REDIC1: variants seen among roughly 807,000 people sequenced by gnomAD.
REDIC1 encodes the protein regulator of DNA class I crossover intermediates 1.
At chr12:39,659,494 ATG>A in the REDIC1 span, among the ~76,000 whole-genome samples, 2 of 151,790 alleles carry the variant, frequency 1.3e-5, no homozygotes, top group African/African-American at 4.8e-5. Flanking sequence ...GTTTTATTTT[ATG>A]TAGATTATAT....
chr12:39,843,769 G>A, the REDIC1 span, among the ~76,000 whole-genome samples: 1 of 152,026 alleles, frequency 6.6e-6, no homozygotes, highest in Non-Finnish European at 1.5e-5. Context: ...TATAAGCAGA[G>A]TTGTTTGTTG....
the REDIC1 span, chr12:39,864,845 A>G: frequency 1.2e-6 from 2 of 1,614,086 alleles, no homozygotes; most frequent in African/African-American, 2.7e-5. Flanking sequence ...CTGATAGCAC[A>G]AATCCCAAGG....
the REDIC1 span, among the ~76,000 whole-genome samples, chr12:39,668,456 C>T: frequency 6.6e-6 from 1 of 152,194 alleles, no homozygotes; most frequent in Admixed American, 6.5e-5. Context: ...TGATGGGCTT[C>T]CCGTTGTGGG....
chr12:39,712,555 A>G, the REDIC1 span, among the ~76,000 whole-genome samples: 3 of 141,346 alleles, frequency 2.1e-5, no homozygotes, highest in Non-Finnish European at 4.6e-5. Flanking sequence ...TACACGACAT[A>G]TGTGTATATA....
the REDIC1 span, among the ~76,000 whole-genome samples, chr12:39,823,677 G>C: frequency 1.3e-5 from 2 of 152,010 alleles, no homozygotes; most frequent in African/African-American, 4.8e-5. Context: ...TTAAACTCCT[G>C]GGCTCAAGTG....
the REDIC1 span, among the ~76,000 whole-genome samples, chr12:39,881,345 G>T: frequency 6.6e-6 from 1 of 151,858 alleles, no homozygotes; most frequent in African/African-American, 2.4e-5. Context: ...AAAACAATCT[G>T]GAAACTCAAA....
chr12:39,883,810 C>T, the REDIC1 span, among the ~76,000 whole-genome samples: 8 of 152,208 alleles, frequency 5.3e-5, no homozygotes, highest in South Asian at 2.1e-4. Context: ...TGAATCTCTA[C>T]GGAATCACAA....
chr12:39,712,497 G>T, the REDIC1 span, among the ~76,000 whole-genome samples: 4 of 138,570 alleles, frequency 2.9e-5, no homozygotes, highest in East Asian at 6.5e-4. Context: ...TATATACGAC[G>T]TATATACGTA....
the REDIC1 span, among the ~76,000 whole-genome samples, chr12:39,891,467 G>A: frequency 3.3e-5 from 5 of 152,008 alleles, no homozygotes; most frequent in Middle Eastern, 3.2e-3. Flanking sequence ...GGAGGCTTGT[G>A]ATTTATCTTA....
At chr12:39,829,579 A>T in the REDIC1 span, 6 of 159,154 alleles carry the variant, frequency 3.8e-5, no homozygotes, top group African/African-American at 1.5e-4. Flanking sequence ...ACTCTCAGCT[A>T]ATTTTTGTAT....
At chr12:39,808,330 T>G in the REDIC1 span, among the ~76,000 whole-genome samples, 2 of 152,198 alleles carry the variant, frequency 1.3e-5, no homozygotes, top group Non-Finnish European at 2.9e-5. Flanking sequence ...TGTATCATAA[T>G]TTGTTTATCC....
At chr12:39,694,567 G>A in the REDIC1 span, among the ~76,000 whole-genome samples, 120,585 of 152,116 alleles carry the variant, frequency 0.79, 48,524 homozygotes, top group Non-Finnish European at 0.87. Context: ...CTAACCAGAG[G>A]GGAATTGCTG....
At chr12:39,859,336 A>G in the REDIC1 span, among the ~76,000 whole-genome samples, 1 of 25,102 alleles carries the variant, frequency 4.0e-5, no homozygotes, top group Non-Finnish European at 8.6e-5. Context: ...TTTTTCTGAA[A>G]AAAAAAAAAA....
At chr12:39,900,422 C>A in the REDIC1 span, among the ~76,000 whole-genome samples, 5 of 151,752 alleles carry the variant, frequency 3.3e-5, no homozygotes, top group East Asian at 9.7e-4. Flanking sequence ...ATGACATGAT[C>A]GTATATCTAG....
the REDIC1 span, among the ~76,000 whole-genome samples, chr12:39,867,996 C>G: frequency 6.6e-6 from 1 of 152,206 alleles, no homozygotes; most frequent in Admixed American, 6.5e-5. Flanking sequence ...GTCCTATCAT[C>G]TACTCATATA....
the REDIC1 span, among the ~76,000 whole-genome samples, chr12:39,797,740 A>ACATACG: frequency 0.59 from 76,815 of 131,212 alleles, 20,177 homozygotes; most frequent in East Asian, 0.71. Context: ...ACACACACAC[A>ACATACG]CACACACACA....
chr12:39,712,703 ATATGTATATAGACGTATACGTGTAT>A, the REDIC1 span, among the ~76,000 whole-genome samples: 2 of 4,198 alleles, frequency 4.8e-4, no homozygotes, highest in African/African-American at 3.6e-3. Context: ...ATACGTGTAT[ATATGTATATAGACGTATACGTGTAT>A]ATATGTATAT....
At chr12:39,735,451 G>T in the REDIC1 span, among the ~76,000 whole-genome samples, 1 of 152,170 alleles carries the variant, frequency 6.6e-6, no homozygotes, top group African/African-American at 2.4e-5. Flanking sequence ...GGAGAATGTT[G>T]ATGATGACAC....
the REDIC1 span, among the ~76,000 whole-genome samples, chr12:39,741,374 G>A: frequency 1.3e-5 from 2 of 152,156 alleles, no homozygotes; most frequent in Non-Finnish European, 2.9e-5. Context: ...CAACCAACCT[G>A]AGCATCATCT....
Sources: allele counts gnomAD v4.1 joint callset (sites outside exome capture counted in the v4.1 genomes callset), GRCh38; gene constraint gnomAD v4.1.1; transcripts MANE v1.5; gene names NCBI Gene and HGNC (gene_info 2026-07-23, HGNC 2026-07-21).